The following SPATA6 variants were observed in gnomAD, a reference collection of about 807,000 sequenced individuals.
SPATA6 encodes the protein spermatogenesis-associated protein 6.
SPATA6 carries 56 observed loss-of-function variants against 65.3 expected under a neutral mutation model. That is an observed-to-expected ratio of 0.86 (90% CI 0.69 to 1.07). The LOEUF (loss-of-function observed/expected upper bound fraction) is 1.07, where lower values mean the gene tolerates loss of function less well. Ranked by LOEUF, SPATA6 falls within the 50% of genes least tolerant of loss-of-function variation. The pLI is 0.00. For synonymous variants in SPATA6, 199 were observed against 213.2 expected (o/e 0.93, Z 0.58); for missense variants, 590 against 594.8 (o/e 0.99, Z 0.08).
At chr1:48,315,023 C>G (rs1042180824) in intron 11 of SPATA6, among the ~76,000 whole-genome samples, 5 of 152,142 alleles carry the variant, frequency 3.3e-5, no homozygotes, top group African/African-American at 1.2e-4. Context: ...AGACCAATAA[C>G]AGGCTCTGAA....
At chr1:48,420,007 T>C (rs532905796) in intron 3 of SPATA6, among the ~76,000 whole-genome samples, 100 of 152,252 alleles carry the variant, frequency 6.6e-4, no homozygotes, top group Non-Finnish European at 1.3e-3. Flanking sequence ...AGCTTCAGGA[T>C]GGGCCTGGTC....
In SPATA6 at chr1:48,298,853, C is replaced by T. The variant is rs147329302; in HGVS notation, c.1327G>A (p.Gly443Ser). 353 of 1,613,638 alleles carry T rather than the reference C, an allele frequency of 2.2e-4. 1 individual carries two copies. The African/African-American group carries it at 3.9e-3, about 18-fold the overall frequency. The change falls in exon 13 of 13, where the codon GGT becomes AGT. Residue 443 changes from glycine to serine, a missense_variant. Transcript: ENST00000371847. Reference protein sequence around the residue: ...QPRGTFHLDDGEYWSNRAASY... With the variant: ...QPRGTFHLDDSEYWSNRAASY... ...GCTGCCCTGTTGGACCAGTATTCAC[C>T]GTCATCCAAATGGAAAGTGCCACGT...
chr1:48,287,351 A>T, the SPATA6 span, among the ~76,000 whole-genome samples: 10 of 152,320 alleles, frequency 6.6e-5, no homozygotes, highest in East Asian at 1.7e-3. Context: ...CACTTCCAAC[A>T]TTGGGGGTTA....
intron 11 of SPATA6, among the ~76,000 whole-genome samples, chr1:48,340,864 T>A (rs1158332526): frequency 1.3e-5 from 2 of 152,114 alleles, no homozygotes; most frequent in African/African-American, 4.8e-5. Flanking sequence ...GGTGTGACTA[T>A]AAAATTGTCA....
chr1:48,422,162 C>T lies in SPATA6; in HGVS notation c.239-9011G>A, dbSNP rs986153592. Among the ~76,000 whole-genome samples the T allele has an allele frequency of 2.0e-5, 3 of 152,094 alleles. No individual in the cohort carries two copies. The East Asian group carries it at 5.8e-4, about 29-fold the overall frequency. On this transcript the variant is annotated intron_variant, in intron 3 of 12. Transcript: ENST00000371847. Reference sequence around the variant, plus strand: ...TATATTAATGAGAAACAGATTTCTGCTTCTATAATGACAATTTACACAAAG... The same window carrying T: ...TATATTAATGAGAAACAGATTTCTGTTTCTATAATGACAATTTACACAAAG...
chr1:48,416,110 G>A (rs780696580), intron 3 of SPATA6, among the ~76,000 whole-genome samples: 4 of 152,100 alleles, frequency 2.6e-5, no homozygotes, highest in African/African-American at 4.8e-5. Context: ...GGCTGAGGTA[G>A]GAGATCACTT....
At position 48,295,814 on chromosome 1, in the gene SPATA6, AAT is replaced by A. The variant is rs1450210977; in HGVS notation, c.*2897_*2898del. On this transcript the variant is annotated 3_prime_UTR_variant, in exon 13 of 13. Transcript: ENST00000371847. ...TTTCATCAGGGGCTTAATCTTTGGA[AAT>A]CAGAAAACAACTCTGCCTGCCTAGG... 1 of 152,168 alleles carries A rather than the reference AAT, an allele frequency of 6.6e-6. No homozygotes were observed. The highest frequency in any genetic ancestry group is 2.4e-5 in the African/African-American group (1 of 41,450). 9.4% of individuals were successfully genotyped at this position (152,168 alleles called of 1,614,324 possible). A position where few individuals can be genotyped will look rare whatever the true frequency, so the allele number is the denominator to read the frequency against.
chr1:48,435,665 G>T (rs533893221), intron 3 of SPATA6, among the ~76,000 whole-genome samples: 1 of 152,272 alleles, frequency 6.6e-6, no homozygotes, highest in South Asian at 2.1e-4. Flanking sequence ...CTAAAGGATC[G>T]TAAATGCACC....
In SPATA6 at chr1:48,296,822, G is replaced by T. The variant is rs1342038969; in HGVS notation, c.*1891C>A. On this transcript the variant is annotated 3_prime_UTR_variant, in exon 13 of 13. Coordinates refer to ENST00000371847, the MANE Select transcript of SPATA6 (RefSeq NM_019073.4). Reference sequence around the variant, plus strand: ...CATTGGCAGGTAGTGTGAGGAGCTAGGGGAATGGGGGGTGGTGGCAAGAAT... The same window carrying T: ...CATTGGCAGGTAGTGTGAGGAGCTATGGGAATGGGGGGTGGTGGCAAGAAT... The T allele has an allele frequency of 6.6e-6, 1 of 152,104 alleles. No homozygotes were observed. Among genetic ancestry groups the T allele is most frequent in the Non-Finnish European group, 1.5e-5 (1 of 68,008 alleles). 9.4% of individuals were successfully genotyped at this position (152,104 alleles called of 1,614,324 possible).
chr1:48,309,813 T>A (rs1396730438), intron 11 of SPATA6, among the ~76,000 whole-genome samples: 1 of 152,206 alleles, frequency 6.6e-6, no homozygotes, highest in East Asian at 1.9e-4. Context: ...AAGTAATGAT[T>A]GGACAGACAT....
chr1:48,426,082 G>A (rs1182258310), intron 3 of SPATA6, among the ~76,000 whole-genome samples: 1 of 152,098 alleles, frequency 6.6e-6, no homozygotes, highest in South Asian at 2.1e-4. Flanking sequence ...ACATATAACT[G>A]GCAAATGGCT....
At chr1:48,266,148 G>A in the SPATA6 span, among the ~76,000 whole-genome samples, 17 of 152,134 alleles carry the variant, frequency 1.1e-4, no homozygotes, top group Non-Finnish European at 2.5e-4. Context: ...AGCAGAGAAA[G>A]CAAATGTTTG....
chr1:48,287,117 G>A, the SPATA6 span, among the ~76,000 whole-genome samples: 2 of 151,922 alleles, frequency 1.3e-5, no homozygotes, highest in South Asian at 4.2e-4. Context: ...ATCTGCTTCT[G>A]GGGAGGCCTC....
chr1:48,401,938 C>T (rs1209755163), intron 6 of SPATA6, among the ~76,000 whole-genome samples: 1 of 152,070 alleles, frequency 6.6e-6, no homozygotes, highest in Non-Finnish European at 1.5e-5. Flanking sequence ...TAATGAATTC[C>T]ACTTTGCAAT....
At chr1:48,376,691 T>C (rs771218039) in intron 9 of SPATA6, among the ~76,000 whole-genome samples, 49 of 152,092 alleles carry the variant, frequency 3.2e-4, no homozygotes, top group Non-Finnish European at 6.5e-4. Flanking sequence ...GGCGATACCT[T>C]CTGAGAAATA....
rs771433294 is a variant in SPATA6 at position 48,298,692 on chromosome 1, T to C, written c.*21A>G. On this transcript the variant is annotated 3_prime_UTR_variant, in exon 13 of 13. Transcript: ENST00000371847. ...ATTGAGAAATTGACACGGACACTAA[T>C]GAGGTTTATCATGGATGGTCTCAGA... The C allele has an allele frequency of 3.8e-6, 6 of 1,588,590 alleles. No individual in the cohort carries two copies. The highest frequency in any genetic ancestry group is 1.4e-5 in the African/African-American group (1 of 73,910).
At chr1:48,409,513 T>C (rs1028415410) in intron 5 of SPATA6, among the ~76,000 whole-genome samples, 7 of 152,212 alleles carry the variant, frequency 4.6e-5, no homozygotes, top group African/African-American at 1.7e-4. Flanking sequence ...ACAGCTCCAC[T>C]AGGCAGTGCC....
rs994979741 is a variant in SPATA6, at chr1:48,296,417, T to A, written c.*2296A>T. On this transcript the variant is annotated 3_prime_UTR_variant, in exon 13 of 13. Coordinates refer to ENST00000371847, the MANE Select transcript of SPATA6 (RefSeq NM_019073.4). ...ACTAAATTTAATCCATAGGAAAACA[T>A]CTTTCAGAGTATTAGTTTCTAAAGT... The A allele has an allele frequency of 6.6e-6, 1 of 152,204 alleles. No homozygotes were observed. Among genetic ancestry groups the A allele is most frequent in the East Asian group, 1.9e-4 (1 of 5,194 alleles). 9.4% of individuals were successfully genotyped at this position (152,204 alleles called of 1,614,324 possible). A position where few individuals can be genotyped will look rare whatever the true frequency, so the allele number is the denominator to read the frequency against.
chr1:48,405,923 C>T (rs991389633), intron 5 of SPATA6, among the ~76,000 whole-genome samples: 1 of 152,116 alleles, frequency 6.6e-6, no homozygotes, highest in African/African-American at 2.4e-5. Flanking sequence ...ATTAAAGTCT[C>T]ATCCTTGTAC....
Sources: allele counts gnomAD v4.1 joint callset (sites outside exome capture counted in the v4.1 genomes callset), GRCh38; gene constraint gnomAD v4.1.1; transcripts MANE v1.5; gene names NCBI Gene and HGNC (gene_info 2026-07-23, HGNC 2026-07-21).